Variants in GNA14 observed in about 807,000 individuals in gnomAD.
The protein encoded by GNA14 is guanine nucleotide-binding protein subunit alpha-14.
In GNA14, 50 loss-of-function variants were observed where a neutral mutation model predicts 42.0. The ratio of observed to expected loss-of-function variants is 1.19; its 90% CI spans 0.95 to 1.51. GNA14 has a LOEUF of 1.51. Among genes scored for constraint, GNA14 ranks in the 40% most tolerant of loss-of-function variants. The pLI is 0.00. For synonymous variants in GNA14, 173 were observed against 163.1 expected, an observed-to-expected ratio of 1.06 and a Z score of -0.46; for missense variants, 473 against 446.2, an observed-to-expected ratio of 1.06 and a Z score of -0.54.
intron 1 of GNA14, among the ~76,000 whole-genome samples, chr9:77,622,003 G>A (rs139362587): frequency 3.5e-4 from 54 of 152,230 alleles, no homozygotes; most frequent in African/African-American, 1.2e-3. Flanking sequence ...ATAGCTCACC[G>A]CAATCTTGAA....
chr9:77,493,002 GGAA>G (rs1466657380), intron 2 of GNA14, among the ~76,000 whole-genome samples: 34 of 68,130 alleles, frequency 5.0e-4, no homozygotes, highest in South Asian at 9.5e-4. Flanking sequence ...CTCCGTCTCA[GGAA>G]AAAAAAAAAA....
chr9:77,518,896 C>T (rs575506773), intron 2 of GNA14, among the ~76,000 whole-genome samples: 15 of 152,110 alleles, frequency 9.9e-5, no homozygotes, highest in East Asian at 1.9e-4. Context: ...AGATAAAATA[C>T]GCAGTTAAAC....
At chr9:77,562,780 T>A (rs1057310981) in intron 1 of GNA14, among the ~76,000 whole-genome samples, 4 of 152,224 alleles carry the variant, frequency 2.6e-5, no homozygotes, top group African/African-American at 9.6e-5. Context: ...AAATTTTGTT[T>A]TATTTTTCAA....
intron 1 of GNA14, among the ~76,000 whole-genome samples, chr9:77,537,180 A>G (rs1837608476): frequency 6.6e-6 from 1 of 152,162 alleles, no homozygotes; most frequent in Non-Finnish European, 1.5e-5. Context: ...TATTTCTTCT[A>G]TCTAACTGTA....
At chr9:77,625,091 C>A (rs948117067) in intron 1 of GNA14, among the ~76,000 whole-genome samples, 2 of 151,566 alleles carry the variant, frequency 1.3e-5, no homozygotes, top group African/African-American at 4.9e-5. Flanking sequence ...GAACACAGAA[C>A]AAGAACTTCG....
intron 1 of GNA14, among the ~76,000 whole-genome samples, chr9:77,643,479 T>C (rs1334815843): frequency 6.6e-6 from 1 of 152,116 alleles, no homozygotes; most frequent in East Asian, 1.9e-4. Context: ...CCTCAGGTGA[T>C]CCGCCCGCCT....
intron 1 of GNA14, among the ~76,000 whole-genome samples, chr9:77,601,551 T>C (rs1269488575): frequency 1.3e-5 from 2 of 152,246 alleles, no homozygotes; most frequent in Non-Finnish European, 2.9e-5. Flanking sequence ...TTCTTTCTAC[T>C]CTGCATAGAA....
chr9:77,521,617 C>T (rs10453254), intron 2 of GNA14, among the ~76,000 whole-genome samples: 123,422 of 152,010 alleles, frequency 0.81, 50,373 homozygotes, highest in African/African-American at 0.87. Context: ...AATGTGAGAC[C>T]TTATCGAAGG....
At position 77,434,369 on chromosome 9, in the gene GNA14, A is replaced by G. The variant is rs1251549299; in HGVS notation, c.463T>C (p.Tyr155His). The stretch of plus-strand genomic sequence containing the variant: ...GGCCAGGGTGGGCTCTGTACTCACT[A>G]TTTGGCAGAGTCCGACAGCTGGTAC... ...REYQLSDSAK[Y>H]YLTDIDRIAT... Residue 155 changes from tyrosine (Y) to histidine (H), a missense_variant and splice_region_variant, in exon 3 of 7, where the codon TAT becomes CAT. Transcript: ENST00000341700. 4 of 1,613,356 alleles carry G rather than the reference A, an allele frequency of 2.5e-6. No individual in the cohort carries two copies. The highest frequency in any genetic ancestry group is 3.4e-6 in the Non-Finnish European group (4 of 1,179,818).
intron 2 of GNA14, among the ~76,000 whole-genome samples, chr9:77,490,530 G>A (rs924017120): frequency 9.2e-5 from 14 of 152,366 alleles, no homozygotes; most frequent in South Asian, 4.1e-4. Flanking sequence ...CCTGCCTCGC[G>A]GGAAGGCAGC....
chr9:77,537,921 ATTAT>A (rs1333785259), intron 1 of GNA14, among the ~76,000 whole-genome samples: 4 of 152,090 alleles, frequency 2.6e-5, no homozygotes, highest in Non-Finnish European at 4.4e-5. Flanking sequence ...TTTTAATGGC[ATTAT>A]TTAAGTTGTT....
chr9:77,430,421 T>C (rs1294117318), intron 4 of GNA14, among the ~76,000 whole-genome samples: 1 of 152,220 alleles, frequency 6.6e-6, no homozygotes, highest in South Asian at 2.1e-4. Context: ...TGAGAGGTTT[T>C]GGACATTGCA....
intron 1 of GNA14, among the ~76,000 whole-genome samples, chr9:77,559,349 GGGGAA>G (rs1822843291): frequency 6.6e-6 from 1 of 152,130 alleles, no homozygotes; most frequent in African/African-American, 2.4e-5. Context: ...TGCCAAATAT[GGGGAA>G]GCTCAGACAA....
chr9:77,548,332 C>T (rs777699601), intron 1 of GNA14, among the ~76,000 whole-genome samples: 21 of 152,142 alleles, frequency 1.4e-4, no homozygotes, highest in Non-Finnish European at 2.9e-4. Flanking sequence ...ACACCAGCCA[C>T]AATTAATTTG....
chr9:77,625,284 A>AT (rs1181975725), intron 1 of GNA14, among the ~76,000 whole-genome samples: 2 of 152,188 alleles, frequency 1.3e-5, no homozygotes, highest in African/African-American at 4.8e-5. Flanking sequence ...GGTGTACCTA[A>AT]AAGTGACGGG....
chr9:77,431,180 A>C (rs1263397905), intron 4 of GNA14, 141 bp downstream of exon 4: 2 of 730,544 alleles, frequency 2.7e-6, no homozygotes, highest in African/African-American at 3.5e-5. Context: ...TACCTACCAC[A>C]ATTCTAAATA....
intron 1 of GNA14, among the ~76,000 whole-genome samples, chr9:77,575,965 G>T (rs754095642): frequency 6.6e-6 from 1 of 152,178 alleles, no homozygotes; most frequent in African/African-American, 2.4e-5. Context: ...TCAGGAGAAG[G>T]GGGTAGAAGC....
At chr9:77,490,967 C>T (rs1022214662) in intron 2 of GNA14, among the ~76,000 whole-genome samples, 4 of 152,214 alleles carry the variant, frequency 2.6e-5, no homozygotes, top group Non-Finnish European at 5.9e-5. Context: ...ATCCTAAAAG[C>T]AGCAAGAGAA....
At chr9:77,472,703 G>A (rs1044195239) in intron 2 of GNA14, among the ~76,000 whole-genome samples, 5 of 152,122 alleles carry the variant, frequency 3.3e-5, no homozygotes, top group Non-Finnish European at 7.4e-5. Context: ...AAGCCTTCGA[G>A]AGGCAGTTAG....
Sources: gnomAD v4.1 joint callset for allele counts (sites outside exome capture counted in the v4.1 genomes callset) on GRCh38, gnomAD v4.1.1 for gene constraint, MANE v1.5 for transcripts, NCBI Gene and HGNC (gene_info 2026-07-23, HGNC 2026-07-21) for gene names.